The following MMRN2 variants were observed in gnomAD, a reference collection of about 807,000 sequenced individuals.
MMRN2 encodes the protein multimerin 2, also known as multimerin-2.
In MMRN2, 53 loss-of-function variants were observed where a neutral mutation model predicts 68.8. The ratio of observed to expected loss-of-function variants is 0.77; its 90% CI spans 0.62 to 0.97. The LOEUF (loss-of-function observed/expected upper bound fraction) is 0.97. Ranked by LOEUF, MMRN2 falls within the 50% of genes least tolerant of loss-of-function variation. MMRN2 has a pLI of 0.00. For synonymous variants in MMRN2, 564 were observed against 551.6 expected, an observed-to-expected ratio of 1.02 and a Z score of -0.32; for missense variants, 1,266 against 1,259.5, an observed-to-expected ratio of 1.01 and a Z score of -0.08.
chr10:86,941,703 G>A (rs994302078), intron 6 of MMRN2, among the ~76,000 whole-genome samples: 9 of 150,968 alleles, frequency 6.0e-5, no homozygotes, highest in African/African-American at 1.5e-4. Context: ...GGAGGCTGAA[G>A]TGGGAGGATC....
At chr10:86,956,200 G>T (rs899768020) in intron 1 of MMRN2, among the ~76,000 whole-genome samples, 5 of 126,898 alleles carry the variant, frequency 3.9e-5, no homozygotes, top group African/African-American at 1.5e-4. Flanking sequence ...TCCCAGCCCT[G>T]AGCAGAGTTG....
rs1843986051 is a variant in MMRN2, at chr10:86,942,430, T to G, written c.2354A>C (p.Gln785Pro). Residue 785 changes from glutamine to proline, a missense_variant, in exon 6 of 7, where the codon CAG (glutamine) becomes CCG (proline). Physicochemically the swap from Gln to Pro is moderately conservative, Grantham distance 76. Coordinates refer to ENST00000372027, the MANE Select transcript of MMRN2 (RefSeq NM_024756.3). The stretch of plus-strand genomic sequence containing the variant: ...CTTCCGGGGAGCTTCCAGGTCTTTC[T>G]GCTGCTTCTTCCCTTTCCTGCTCAG... ...TMLSRKGKKQ[Q>P]KDLEAPRKRD... is the part of the protein sequence containing the mutation. 5 of 1,614,100 alleles carry G rather than the reference T, an allele frequency of 3.1e-6. No homozygotes were observed. Among genetic ancestry groups the G allele is most frequent in the Non-Finnish European group, 4.2e-6 (5 of 1,180,044 alleles).
intron 1 of MMRN2, chr10:86,945,898 C>A: frequency 7.3e-7 from 1 of 1,376,776 alleles, no homozygotes; most frequent in Non-Finnish European, 9.5e-7. Context: ...GCACCTGCTC[C>A]ACCACCTTCC....
intron 6 of MMRN2, among the ~76,000 whole-genome samples, chr10:86,939,563 G>T (rs1055501889): frequency 6.0e-5 from 9 of 151,000 alleles, no homozygotes; most frequent in African/African-American, 2.2e-4. Context: ...TGGTTCTCTT[G>T]CCTAGCCGAA....
Position 86,942,619 on chromosome 10 carries a change from C to CCGGCCCCGGCCT in MMRN2, c.2153_2164dup (p.Glu718_Ala721dup). The CCGGCCCCGGCCT allele has an allele frequency of 6.2e-7, 1 of 1,604,162 alleles. No individual in the cohort carries two copies. Among genetic ancestry groups the CCGGCCCCGGCCT allele is most frequent in the South Asian group, 1.1e-5 (1 of 90,996 alleles). On this transcript the variant is annotated inframe_insertion, in exon 6 of 7. Transcript: ENST00000372027. ...AAGGGAGGCGTTGAGGGAGGCGGCC[C>CCGGCCCCGGCCT]CGGCCCCGGCCTCGGCCTCGCAGCA...
chr10:86,940,052 GCC>G (rs1402149259), intron 6 of MMRN2, among the ~76,000 whole-genome samples: 1 of 139,692 alleles, frequency 7.2e-6, no homozygotes, highest in African/African-American at 2.7e-5. Flanking sequence ...CGCTCTTCTT[GCC>G]CAGGCTGGAG....
At chr10:86,939,839 TTG>T (rs1179394300) in intron 6 of MMRN2, among the ~76,000 whole-genome samples, 15 of 120,272 alleles carry the variant, frequency 1.2e-4, no homozygotes, top group South Asian at 8.6e-4. Context: ...GTGTGTGTGT[TTG>T]TGTGTGTGTG....
rs1312782460 is a variant in MMRN2 at position 86,939,825 on chromosome 10, GTGTGTGTGTGTGTT to G, written c.2467+2478_2467+2491del. On this transcript the variant is annotated intron_variant, in intron 6 of 6. Transcript: ENST00000372027. ...ATTTGGGGTGTGTGTGTGTGTGTGT[GTGTGTGTGTGTGTT>G]TGTGTGTGTGTGTGTGTGTGTGTGT... Among the ~76,000 whole-genome samples the G allele has an allele frequency of 2.8e-3, 383 of 135,460 alleles. 1 individual carries two copies. The highest frequency in any genetic ancestry group is 5.1e-3 in the African/African-American group (182 of 35,592). The allele number at this position is 135,460 out of a possible 152,430, so 88.9% of individuals were successfully genotyped here.
In MMRN2 at chr10:86,942,454, A is replaced by T. The variant is rs755111074; in HGVS notation, c.2330T>A (p.Leu777Gln). 6.2e-7 allele frequency: 1 copy of T among 1,614,150 alleles called. No individual in the cohort carries two copies. The highest frequency in any genetic ancestry group is 1.7e-5 in the Admixed American group (1 of 60,026). The change falls in exon 6 of 7, where the codon CTG becomes CAG. Residue 777 changes from leucine (L) to glutamine (Q), a missense_variant. Transcript: ENST00000372027. ...SLDLGKLQTM[L>Q]SRKGKKQQKD... ...CTGCTGCTTCTTCCCTTTCCTGCTC[A>T]GCATGGTCTGCAGCTTCCCCAGGTC... is the stretch of plus-strand genomic sequence containing the variant.
rs531942066 is a variant in MMRN2 at position 86,949,283 on chromosome 10, T to C, written c.165-3594A>G. ...CATATCCAGCCTAACTATGAACCAG[T>C]GTGGGGAGTGAGAATAAAGACATTT... On this transcript the variant is annotated intron_variant, in intron 1 of 6. Coordinates refer to ENST00000372027, the MANE Select transcript of MMRN2 (RefSeq NM_024756.3). The C allele has an allele frequency of 5.9e-5, 9 of 152,194 alleles. No individual in the cohort carries two copies. In the East Asian group the frequency reaches 1.4e-3, roughly 23 times the overall value. The allele number at this position is 152,194 out of a possible 1,614,324, so 9.4% of individuals were successfully genotyped here. A position where few individuals can be genotyped will look rare whatever the true frequency, so the allele number is the denominator to read the frequency against.
Position 86,944,419 on chromosome 10 carries a change from C to G in MMRN2, c.498G>C (p.Val166=). 6.2e-7 allele frequency: 1 copy of G among 1,613,844 alleles called. No individual in the cohort carries two copies. The highest frequency in any genetic ancestry group is 8.5e-7 in the Non-Finnish European group (1 of 1,180,014). Residue 166 remains valine, a synonymous_variant, in exon 5 of 7, where the codon GTG becomes GTC. Transcript: ENST00000372027. ...VSFKPGHLAA[V]INEVEVQQEQ... ...CCTGTTGCACCTCAACCTCATTGATCACTGCAGCAAGGTGGCCTAAATACA... is the reference window on the plus strand; with the variant it reads ...CCTGTTGCACCTCAACCTCATTGATGACTGCAGCAAGGTGGCCTAAATACA...
chr10:86,945,051 AG>A, intron 4 of MMRN2, 136 bp downstream of exon 4: 1 of 726,254 alleles, frequency 1.4e-6, no homozygotes. Flanking sequence ...GAGGTGGTAC[AG>A]GCCACAGAGC....
At chr10:86,940,761 A>G (rs1233371375) in intron 6 of MMRN2, among the ~76,000 whole-genome samples, 1 of 152,206 alleles carries the variant, frequency 6.6e-6, no homozygotes, top group Non-Finnish European at 1.5e-5. Context: ...CAGGCTGCAC[A>G]TGGCCAAGAT....
At chr10:86,949,871 G>A (rs7919325) in intron 1 of MMRN2, 60,895 of 142,556 alleles carry the variant, frequency 0.43, 12,503 homozygotes, top group South Asian at 0.51. Flanking sequence ...GCGAGACTCC[G>A]TCTCAATAAT....
At chr10:86,950,783 T>G (rs962482404) in intron 1 of MMRN2, among the ~76,000 whole-genome samples, 7 of 152,112 alleles carry the variant, frequency 4.6e-5, no homozygotes, top group Middle Eastern at 3.2e-3. Flanking sequence ...AGACATGAAA[T>G]TTTAGAACTC....
At chr10:86,947,247 C>G (rs960869579) in intron 1 of MMRN2, among the ~76,000 whole-genome samples, 1 of 152,096 alleles carries the variant, frequency 6.6e-6, no homozygotes, top group Non-Finnish European at 1.5e-5. Flanking sequence ...ATTCAGAGGC[C>G]TTGGTGATGA....
At chr10:86,946,383 A>T (rs1460216199) in intron 1 of MMRN2, among the ~76,000 whole-genome samples, 1 of 152,224 alleles carries the variant, frequency 6.6e-6, no homozygotes, top group Non-Finnish European at 1.5e-5. Flanking sequence ...GGCCATGCCC[A>T]TTAGGACCAT....
chr10:86,941,654 T>C (rs944318203), intron 6 of MMRN2, among the ~76,000 whole-genome samples: 3 of 151,732 alleles, frequency 2.0e-5, no homozygotes, highest in Admixed American at 2.0e-4. Flanking sequence ...AAAAATTAGC[T>C]AGGCATGGTG....
Position 86,939,809 on chromosome 10 carries a change from G to A in MMRN2, c.2467+2508C>T, listed in dbSNP as rs1404603727. Among the ~76,000 whole-genome samples the A allele has an allele frequency of 3.0e-4, 8 of 26,504 alleles. No individual in the cohort carries two copies. In the East Asian group the frequency reaches 7.6e-3, roughly 25 times the overall value. The allele number at this position is 26,504 out of a possible 152,430, so 17.4% of individuals were successfully genotyped here. On this transcript the variant is annotated intron_variant, in intron 6 of 6. Transcript: ENST00000372027. ...AAACAAATAAAGGGAAATTTGGGGT[G>A]TGTGTGTGTGTGTGTGTGTGTGTGT...
Sources: allele counts gnomAD v4.1 joint callset (sites outside exome capture counted in the v4.1 genomes callset), GRCh38; gene constraint gnomAD v4.1.1; transcripts MANE v1.5; gene names NCBI Gene and HGNC (gene_info 2026-07-23, HGNC 2026-07-21).